ADRA1A: variants seen among roughly 807,000 people sequenced by gnomAD.
ADRA1A encodes alpha-1A adrenergic receptor.
In ADRA1A, 31 loss-of-function variants were observed where a neutral mutation model predicts 29.6. The ratio of observed to expected loss-of-function variants is 1.05; its 90% CI spans 0.79 to 1.41. The LOEUF is 1.41. ADRA1A is among the 40% of genes most tolerant of loss of function. The pLI is 0.00. For synonymous variants in ADRA1A, 311 were observed against 254.3 expected, an observed-to-expected ratio of 1.22 and a Z score of -2.12; for missense variants, 619 against 601.1, an observed-to-expected ratio of 1.03 and a Z score of -0.31.
rs1433727525 is a variant in ADRA1A at position 26,805,300 on chromosome 8, A to G, written c.884-34634T>C. On this transcript the variant is annotated intron_variant, in intron 2 of 2. Coordinates refer to ENST00000380573, the MANE Select transcript of ADRA1A (RefSeq NM_000680.4). This position sits in a 1 kb window ranked among gnomAD's most constrained non-coding sequence, Gnocchi z 4.8. ...ATTAATTGTGCTTTCTTACATTTTG[A>G]GTGTTATGAGCTAGACAGTAAGTTA... is the stretch of plus-strand genomic sequence containing the variant. Among the ~76,000 whole-genome samples the G allele has an allele frequency of 6.6e-6, 1 of 152,106 alleles. No homozygotes were observed. The highest frequency in any genetic ancestry group is 1.5e-5 in the Non-Finnish European group (1 of 68,036).
chr8:26,817,988 A>G (rs900135367), intron 2 of ADRA1A, among the ~76,000 whole-genome samples: 34 of 152,362 alleles, frequency 2.2e-4, no homozygotes, highest in African/African-American at 7.7e-4. Flanking sequence ...GTATCCACAT[A>G]GTGGAATGTT....
At chr8:26,751,119 T>C (rs73229688) in intron 2 of ADRA1A, among the ~76,000 whole-genome samples, 7,635 of 151,888 alleles carry the variant, frequency 0.05, 272 homozygotes, top group South Asian at 0.067. Context: ...GCTCTTGTCC[T>C]TCTAGGTACA....
Position 26,806,410 on chromosome 8 carries a change from GA to G in ADRA1A, c.884-35745del, listed in dbSNP as rs904063530. On this transcript the variant is annotated intron_variant, in intron 2 of 2. Coordinates refer to ENST00000380573, the MANE Select transcript of ADRA1A (RefSeq NM_000680.4). This position sits in a 1 kb window ranked among gnomAD's most constrained non-coding sequence, Gnocchi z 4.6. ...CCTGTTAATAGTGGCCTTAGGTAAG[GA>G]AAAAAAAAGAGCATGATTCAAGTTT... 3.3e-5 allele frequency among the ~76,000 whole-genome samples: 5 copies of G among 149,552 alleles called. No individual in the cohort carries two copies. Among genetic ancestry groups the G allele is most frequent in the Admixed American group, 1.3e-4 (2 of 15,078 alleles).
chr8:26,801,729 C>G (rs1483522035), intron 2 of ADRA1A, among the ~76,000 whole-genome samples: 1 of 151,712 alleles, frequency 6.6e-6, no homozygotes, highest in African/African-American at 2.4e-5. Flanking sequence ...TATCGAAATA[C>G]CAATGAAATA....
At chr8:26,754,415 A>G (rs1408298938), downstream of ADRA1A, among the ~76,000 whole-genome samples, 1 of 152,148 alleles carries the variant, frequency 6.6e-6, no homozygotes, top group Admixed American at 6.5e-5. Context: ...TTAGTCGACC[A>G]AATACCAAAC....
Position 26,806,311 on chromosome 8 carries a change from T to G in ADRA1A, c.884-35645A>C, listed in dbSNP as rs1177279263. Among the ~76,000 whole-genome samples, 1 of 152,096 alleles carries G rather than the reference T, an allele frequency of 6.6e-6. No individual in the cohort carries two copies. The highest frequency in any genetic ancestry group is 6.6e-5 in the Admixed American group (1 of 15,254). ...TGTTTACACCAAAGATTTTTTTTTTTTTTTCGAAAGCTGCCTTCTGTTTTG... is the reference window on the plus strand; with the variant it reads ...TGTTTACACCAAAGATTTTTTTTTTGTTTTCGAAAGCTGCCTTCTGTTTTG... On this transcript the variant is annotated intron_variant, in intron 2 of 2. Transcript: ENST00000380573. The surrounding 1 kb of genome is among the most constrained non-coding windows in gnomAD (Gnocchi z 4.6).
intron 2 of ADRA1A, among the ~76,000 whole-genome samples, chr8:26,819,406 G>A (rs1426951629): frequency 6.6e-6 from 1 of 151,774 alleles, no homozygotes; most frequent in Non-Finnish European, 1.5e-5. Flanking sequence ...AAATACAAAA[G>A]TATTAAAATA....
rs533709070 is a variant in ADRA1A at position 26,779,861 on chromosome 8, G to A, written c.884-9195C>T. Among the ~76,000 whole-genome samples, 69 of 152,178 alleles carry A rather than the reference G, an allele frequency of 4.5e-4. 3 individuals carry two copies. The South Asian group carries it at 0.014, about 31-fold the overall frequency. ...ACTTGTGAGCTTCTTAATAATACAC[G>A]GGCCACACACCTCCACATCTGAGGC... On this transcript the variant is annotated intron_variant, in intron 2 of 2. Transcript: ENST00000380573.
chr8:26,765,960 C>CTTGCGAAAAGAAA, downstream of ADRA1A: 2 of 1,555,000 alleles, frequency 1.3e-6, no homozygotes, highest in Non-Finnish European at 1.7e-6. Context: ...CCAGTTTTCA[C>CTTGCGAAAAGAAA]TTAGGAACAA....
intron 2 of ADRA1A, among the ~76,000 whole-genome samples, chr8:26,780,411 C>T (rs957340407): frequency 1.3e-5 from 2 of 152,158 alleles, no homozygotes; most frequent in African/African-American, 2.4e-5. Context: ...TGACTGTGAC[C>T]TCAGCTCCTG....
intron 2 of ADRA1A, among the ~76,000 whole-genome samples, chr8:26,811,341 T>C (rs1046418660): frequency 9.2e-5 from 14 of 152,152 alleles, no homozygotes; most frequent in Non-Finnish European, 1.8e-4. Context: ...TACAGGCGCC[T>C]GCCACCACCC....
intron 2 of ADRA1A, chr8:26,757,202 C>G: frequency 1.4e-6 from 1 of 698,504 alleles, no homozygotes. Flanking sequence ...TTTTTCCTCT[C>G]TTTAAAACAA....
chr8:26,858,814 G>A (rs548211360), intron 2 of ADRA1A, among the ~76,000 whole-genome samples: 4 of 152,266 alleles, frequency 2.6e-5, no homozygotes, highest in African/African-American at 9.6e-5. Context: ...CCCCTCCCTT[G>A]AAGGCATTCT....
At chr8:26,863,976 G>A (rs1408575400) in intron 2 of ADRA1A, 111 bp downstream of exon 2, 4 of 1,169,448 alleles carry the variant, frequency 3.4e-6, no homozygotes, top group African/African-American at 1.5e-5. Flanking sequence ...GAGCTGTGCT[G>A]TTTGAAATGC....
intron 2 of ADRA1A, among the ~76,000 whole-genome samples, chr8:26,793,187 G>T (rs1807955130): frequency 6.6e-6 from 1 of 151,880 alleles, no homozygotes; most frequent in Admixed American, 6.6e-5. Context: ...TGTACCAAGA[G>T]ATAGCAAATA....
At chr8:26,826,202 T>C (rs1810549858) in intron 2 of ADRA1A, among the ~76,000 whole-genome samples, 1 of 152,252 alleles carries the variant, frequency 6.6e-6, no homozygotes, top group Non-Finnish European at 1.5e-5. Flanking sequence ...AATGCTACAG[T>C]AATTAATGAA....
chr8:26,769,101 T>C lies in ADRA1A; in HGVS notation c.*1048A>G. The C allele has an allele frequency of 7.1e-6, 7 of 985,428 alleles. No homozygotes were observed. Among genetic ancestry groups the C allele is most frequent in the Non-Finnish European group, 8.4e-6 (7 of 829,896 alleles). 61.0% of individuals were successfully genotyped at this position (985,428 alleles called of 1,614,324 possible). Reference sequence around the variant, plus strand: ...CATGCCACAGGTGAAGCTCATTCATTATGCAATAGTGAAGCAGATAAGAAG... The same window carrying C: ...CATGCCACAGGTGAAGCTCATTCATCATGCAATAGTGAAGCAGATAAGAAG... On this transcript the variant is annotated 3_prime_UTR_variant, in exon 3 of 3. Coordinates refer to ENST00000380573, the MANE Select transcript of ADRA1A (RefSeq NM_000680.4).
At chr8:26,798,256 A>G (rs1054290614) in intron 2 of ADRA1A, among the ~76,000 whole-genome samples, 4 of 152,108 alleles carry the variant, frequency 2.6e-5, no homozygotes, top group Non-Finnish European at 4.4e-5. Context: ...TGGGATTACA[A>G]GTGTGAGCCA....
intron 2 of ADRA1A, among the ~76,000 whole-genome samples, chr8:26,750,881 C>T (rs573687070): frequency 6.6e-6 from 1 of 152,126 alleles, no homozygotes; most frequent in South Asian, 2.1e-4. Flanking sequence ...ACCAGCCTGA[C>T]CAACATGGAG....
Sources: allele counts gnomAD v4.1 joint callset (sites outside exome capture counted in the v4.1 genomes callset), GRCh38; gene constraint gnomAD v4.1.1; non-coding constraint Gnocchi (gnomAD v3.1); transcripts MANE v1.5; gene names NCBI Gene and HGNC (gene_info 2026-07-23, HGNC 2026-07-21).